Variants in STPG2 observed in about 807,000 individuals in gnomAD.
STPG2 encodes sperm-tail PG-rich repeat-containing protein 2.
A neutral mutation model predicts 54.2 loss-of-function variants in STPG2; 56 were observed. That is an observed-to-expected ratio of 1.03 (90% confidence interval 0.83 to 1.29). The LOEUF is 1.29. STPG2 is among the 50% of genes most tolerant of loss of function. The pLI is 0.00. For synonymous variants in STPG2, 200 were observed against 181.8 expected, an observed-to-expected ratio of 1.10 and a Z score of -0.81; for missense variants, 596 against 544.9, an observed-to-expected ratio of 1.09 and a Z score of -0.93.
chr4:97,547,462 G>A (rs1255468608), intron 4 of STPG2, among the ~76,000 whole-genome samples: 1 of 152,070 alleles, frequency 6.6e-6, no homozygotes, highest in Non-Finnish European at 1.5e-5. Flanking sequence ...CACCCGCCTC[G>A]GCCTCCCAAA....
chr4:97,812,956 TA>T (rs1487564610), intron 9 of STPG2, among the ~76,000 whole-genome samples: 2 of 152,178 alleles, frequency 1.3e-5, no homozygotes, highest in Non-Finnish European at 2.9e-5. Context: ...GTCGCTATCT[TA>T]AATGGCAATA....
chr4:97,697,662 T>G (rs2148994480), intron 10 of STPG2, among the ~76,000 whole-genome samples: 1 of 152,262 alleles, frequency 6.6e-6, no homozygotes, highest in African/African-American at 2.4e-5. Context: ...GCCACAAAAC[T>G]GGCCATAAAC....
chr4:97,809,999 T>C (rs936492647), intron 9 of STPG2, among the ~76,000 whole-genome samples: 7 of 152,340 alleles, frequency 4.6e-5, no homozygotes, highest in South Asian at 2.1e-4. Context: ...TGAATAATAA[T>C]ATATCTTAAG....
intron 10 of STPG2, among the ~76,000 whole-genome samples, chr4:97,673,909 G>T (rs1476915384): frequency 6.6e-6 from 1 of 152,072 alleles, no homozygotes; most frequent in Non-Finnish European, 1.5e-5. Context: ...TTTAAAAGAT[G>T]ATTTATATCA....
intron 5 of STPG2, among the ~76,000 whole-genome samples, chr4:97,985,683 C>T (rs892663952): frequency 9.9e-5 from 15 of 152,226 alleles, no homozygotes; most frequent in African/African-American, 3.1e-4. Context: ...TTAAACTCTT[C>T]CATATCTTTT....
At chr4:97,501,752 C>A (rs1479529843) in intron 4 of STPG2, among the ~76,000 whole-genome samples, 1 of 149,612 alleles carries the variant, frequency 6.7e-6, no homozygotes, top group Admixed American at 6.7e-5. Flanking sequence ...GGACAAAGAA[C>A]TACCTGCATG....
intron 4 of STPG2, among the ~76,000 whole-genome samples, chr4:97,446,423 C>G (rs1729223092): frequency 6.6e-6 from 1 of 152,084 alleles, no homozygotes; most frequent in Non-Finnish European, 1.5e-5. Context: ...GCTTTGAGGA[C>G]AGAAAAATAT....
chr4:97,760,702 T>G (rs1725865596), intron 9 of STPG2, among the ~76,000 whole-genome samples: 1 of 152,194 alleles, frequency 6.6e-6, no homozygotes, highest in Non-Finnish European at 1.5e-5. Context: ...TGCATACCTC[T>G]GAGCAAGGGT....
intron 9 of STPG2, among the ~76,000 whole-genome samples, chr4:97,827,178 T>C (rs1728284486): frequency 6.6e-6 from 1 of 152,060 alleles, no homozygotes; most frequent in African/African-American, 2.4e-5. Context: ...TTGCTTAAAA[T>C]GTTGCTGATC....
At chr4:98,100,715 G>A (rs190036778) in intron 5 of STPG2, among the ~76,000 whole-genome samples, 94 of 130,994 alleles carry the variant, frequency 7.2e-4, no homozygotes, top group Middle Eastern at 5.0e-3. Flanking sequence ...TTGCTCTGTC[G>A]CCCAGGCTGG....
At chr4:97,860,497 A>C (rs560836751) in intron 8 of STPG2, among the ~76,000 whole-genome samples, 3 of 148,140 alleles carry the variant, frequency 2.0e-5, no homozygotes, top group Non-Finnish European at 3.0e-5. Flanking sequence ...ATTTTATTTT[A>C]TTTTATTTTA....
chr4:97,474,349 G>A (rs911572547), intron 4 of STPG2, among the ~76,000 whole-genome samples: 39 of 152,250 alleles, frequency 2.6e-4, no homozygotes, highest in Non-Finnish European at 4.6e-4. Flanking sequence ...GGTCAAGGCT[G>A]AAATGAGAAC....
At chr4:97,923,017 A>T (rs1277933747) in intron 8 of STPG2, among the ~76,000 whole-genome samples, 1 of 152,168 alleles carries the variant, frequency 6.6e-6, no homozygotes, top group Admixed American at 6.5e-5. Flanking sequence ...AACTATATAA[A>T]ACTGTTAGTT....
At chr4:98,043,253 C>T (rs776104232) in intron 5 of STPG2, among the ~76,000 whole-genome samples, 33 of 152,108 alleles carry the variant, frequency 2.2e-4, no homozygotes, top group Admixed American at 5.9e-4. Context: ...TATAACAGCA[C>T]GCAGTTGGAT....
At chr4:97,622,271 A>C (rs1315124961) in intron 10 of STPG2, among the ~76,000 whole-genome samples, 1 of 152,132 alleles carries the variant, frequency 6.6e-6, no homozygotes, top group African/African-American at 2.4e-5. Flanking sequence ...TCTAAGTCCT[A>C]GCAAGAGCAA....
At chr4:97,860,332 C>T (rs955914454) in intron 8 of STPG2, among the ~76,000 whole-genome samples, 9 of 151,918 alleles carry the variant, frequency 5.9e-5, no homozygotes, top group African/African-American at 1.7e-4. Flanking sequence ...TGGTCATTTT[C>T]GGAATATTGA....
chr4:97,448,177 T>A (rs1321801282), intron 4 of STPG2, among the ~76,000 whole-genome samples: 2 of 152,144 alleles, frequency 1.3e-5, no homozygotes, highest in African/African-American at 4.8e-5. Context: ...CCATATTGTA[T>A]CTTGGAAGTA....
At chr4:98,046,345 G>A (rs4699324) in intron 5 of STPG2, among the ~76,000 whole-genome samples, 59,909 of 151,878 alleles carry the variant, frequency 0.39, 12,033 homozygotes, top group Middle Eastern at 0.46. Flanking sequence ...GCCAGTTTCT[G>A]GAGCTTTGTT....
chr4:97,907,599 G>A (rs1243215271), intron 8 of STPG2, among the ~76,000 whole-genome samples: 7 of 152,038 alleles, frequency 4.6e-5, no homozygotes, highest in African/African-American at 1.7e-4. Flanking sequence ...GAGGCATCAT[G>A]CTACCTGACT....
Sources: allele counts gnomAD v4.1 joint callset (sites outside exome capture counted in the v4.1 genomes callset), GRCh38; gene constraint gnomAD v4.1.1; transcripts MANE v1.5; gene names NCBI Gene and HGNC (gene_info 2026-07-23, HGNC 2026-07-21).